The following CWC27 variants were observed in gnomAD, a reference collection of about 807,000 sequenced individuals.
CWC27 encodes the protein spliceosome-associated protein CWC27 homolog.
In CWC27, 47 loss-of-function variants were observed where a neutral mutation model predicts 63.6. That is an observed-to-expected ratio of 0.74 (90% CI 0.58 to 0.94). The LOEUF (loss-of-function observed/expected upper bound fraction) is 0.94. Among genes scored for constraint, CWC27 ranks in the 40% least tolerant of loss-of-function variants. The pLI, the probability that CWC27 is intolerant of heterozygous loss-of-function variation, is 0.00. For synonymous variants in CWC27, 175 were observed against 179.8 expected, an observed-to-expected ratio of 0.97 and a Z score of 0.22; for missense variants, 495 against 554.3, an observed-to-expected ratio of 0.89 and a Z score of 1.07.
chr5:64,924,582 G>A (rs991265762), intron 11 of CWC27, among the ~76,000 whole-genome samples: 16 of 152,042 alleles, frequency 1.1e-4, no homozygotes, highest in Admixed American at 8.5e-4. Flanking sequence ...TGTAGCTCCT[G>A]GTGTCAAATT....
intron 1 of CWC27, 23 bp downstream of exon 1, chr5:64,769,211 T>C (rs776525808): frequency 3.1e-6 from 5 of 1,612,624 alleles, no homozygotes; most frequent in Admixed American, 1.7e-5. Flanking sequence ...TCTAGGGAAC[T>C]TGGGGTCCTG....
chr5:64,934,150 C>T (rs957875187), intron 11 of CWC27, among the ~76,000 whole-genome samples: 10 of 152,076 alleles, frequency 6.6e-5, no homozygotes, highest in African/African-American at 2.4e-4. Flanking sequence ...ATGTGCAGAA[C>T]GTGCAGGTTT....
Position 64,769,116 on chromosome 5 carries a change from G to A in CWC27, c.-31G>A, listed in dbSNP as rs1363953. On this transcript the variant is annotated 5_prime_UTR_variant, in exon 1 of 14. Coordinates refer to ENST00000381070, the MANE Select transcript of CWC27 (RefSeq NM_005869.4). ...GGCCGGCCGGCCGCTCTCATCCCCC[G>A]TAAGGAGCAGAGTCCTTTGTACTGA... The A allele has an allele frequency of 0.23, 362,664 of 1,607,344 alleles. 57,065 individuals carry two copies. Among genetic ancestry groups the A allele is most frequent in the African/African-American group, 0.76 (56,812 of 74,678 alleles).
intron 11 of CWC27, among the ~76,000 whole-genome samples, chr5:64,952,757 T>A (rs188524122): frequency 1.2e-3 from 189 of 152,204 alleles, no homozygotes; most frequent in African/African-American, 4.3e-3. Context: ...GACACTCTAT[T>A]ACTACACTTT....
At chr5:64,872,157 G>A (rs1746689084) in intron 10 of CWC27, among the ~76,000 whole-genome samples, 1 of 152,152 alleles carries the variant, frequency 6.6e-6, no homozygotes, top group Non-Finnish European at 1.5e-5. Context: ...GCTGAGATCT[G>A]AAGGATGACT....
chr5:64,816,558 A>T (rs898536818), intron 10 of CWC27, among the ~76,000 whole-genome samples: 10 of 152,118 alleles, frequency 6.6e-5, no homozygotes, highest in African/African-American at 1.9e-4. Flanking sequence ...AGATTTGATG[A>T]CTTGAGCTAA....
chr5:64,838,794 A>G (rs1745726691), intron 10 of CWC27, among the ~76,000 whole-genome samples: 1 of 152,234 alleles, frequency 6.6e-6, no homozygotes, highest in Non-Finnish European at 1.5e-5. Flanking sequence ...AGAAAAGGAC[A>G]GAGAAGTATG....
chr5:64,851,767 AT>A (rs150688543), intron 10 of CWC27, among the ~76,000 whole-genome samples: 4,949 of 152,322 alleles, frequency 0.032, 126 homozygotes, highest in African/African-American at 0.034. Context: ...TAGCTAAGCA[AT>A]ACCAAGTAAA....
intron 11 of CWC27, among the ~76,000 whole-genome samples, chr5:64,963,167 G>T (rs1256523550): frequency 6.6e-6 from 1 of 151,932 alleles, no homozygotes; most frequent in Non-Finnish European, 1.5e-5. Context: ...TTGCCATGTT[G>T]CCCAGGCTGG....
intron 10 of CWC27, among the ~76,000 whole-genome samples, chr5:64,828,139 GATTC>G (rs1291160358): frequency 0.027 from 4,166 of 152,164 alleles, 194 homozygotes; most frequent in African/African-American, 0.095. Context: ...TTTTTCAGGT[GATTC>G]TTTCTGAATG....
chr5:64,769,572 G>A (rs1743166633), intron 1 of CWC27, among the ~76,000 whole-genome samples: 1 of 152,110 alleles, frequency 6.6e-6, no homozygotes, highest in South Asian at 2.1e-4. Context: ...GAGGCACTGG[G>A]CACTGTACTA....
At chr5:64,806,738 AGGCTGAGGTG>A (rs1193434702) in intron 10 of CWC27, among the ~76,000 whole-genome samples, 1 of 152,106 alleles carries the variant, frequency 6.6e-6, no homozygotes, top group Non-Finnish European at 1.5e-5. Flanking sequence ...GCTGCTCAGC[AGGCTGAGGTG>A]GGAGGATTGC....
At chr5:64,998,487 T>A (rs927906618) in intron 13 of CWC27, among the ~76,000 whole-genome samples, 2 of 152,178 alleles carry the variant, frequency 1.3e-5, no homozygotes, top group African/African-American at 4.8e-5. Context: ...CCCCTGTTGC[T>A]AAAGATATTT....
chr5:64,840,226 A>G (rs1042593464), intron 10 of CWC27, among the ~76,000 whole-genome samples: 6 of 151,698 alleles, frequency 4.0e-5, no homozygotes, highest in African/African-American at 1.5e-4. Context: ...GCCAGACAGT[A>G]GAGGAATTAC....
At chr5:64,862,152 C>T (rs571117188) in intron 10 of CWC27, among the ~76,000 whole-genome samples, 22 of 152,276 alleles carry the variant, frequency 1.4e-4, no homozygotes, top group African/African-American at 4.3e-4. Flanking sequence ...AGCAAACCCA[C>T]GGAATGTACG....
chr5:64,811,018 G>A (rs772419901), intron 10 of CWC27, among the ~76,000 whole-genome samples: 4 of 151,994 alleles, frequency 2.6e-5, no homozygotes, highest in Non-Finnish European at 5.9e-5. Flanking sequence ...AATAAAATCA[G>A]TATCTCTCAA....
At chr5:64,922,875 C>T (rs1249269974) in intron 11 of CWC27, among the ~76,000 whole-genome samples, 1 of 152,184 alleles carries the variant, frequency 6.6e-6, no homozygotes, top group East Asian at 1.9e-4. Flanking sequence ...TTTCTGGATG[C>T]TTTTGGAGGG....
At chr5:64,812,904 G>A (rs193143508) in intron 10 of CWC27, among the ~76,000 whole-genome samples, 1 of 152,194 alleles carries the variant, frequency 6.6e-6, no homozygotes, top group Non-Finnish European at 1.5e-5. Context: ...ATGTTAAGTA[G>A]GCAGTATATA....
chr5:65,012,412 G>A (rs1268421367), intron 13 of CWC27, among the ~76,000 whole-genome samples: 1 of 152,220 alleles, frequency 6.6e-6, no homozygotes, highest in African/African-American at 2.4e-5. Flanking sequence ...AAAGCTTTTT[G>A]TAGAGTGCTG....
Sources: gnomAD v4.1 joint callset for allele counts (sites outside exome capture counted in the v4.1 genomes callset) on GRCh38, gnomAD v4.1.1 for gene constraint, MANE v1.5 for transcripts, NCBI Gene and HGNC (gene_info 2026-07-23, HGNC 2026-07-21) for gene names.